CNOT11: variants seen among roughly 807,000 people sequenced by gnomAD.
The protein encoded by CNOT11 is CCR4-NOT transcription complex subunit 11, also known as UPF0760 protein C2orf29.
Under a neutral mutation model 44.6 loss-of-function variants are expected in CNOT11, and 18 were observed. The ratio of observed to expected loss-of-function variants is 0.40; its 90% CI spans 0.28 to 0.60. The LOEUF is 0.60. CNOT11 is among the 20% of genes least tolerant of loss of function. The pLI, the probability that CNOT11 is intolerant of heterozygous loss-of-function variation, is 0.38. For missense variants in CNOT11, 513 were observed against 677.0 expected (o/e 0.76, Z 2.69); for synonymous variants, 291 against 270.9 (o/e 1.07, Z -0.73).
rs1430044119 is a variant in CNOT11 at position 101,253,387 on chromosome 2, C to T, written c.423C>T (p.Ala141=). 4.4e-6 allele frequency: 7 copies of T among 1,591,612 alleles called. No individual in the cohort carries two copies. The East Asian group carries it at 6.8e-5, about 15-fold the overall frequency. The change falls in exon 1 of 7, where the codon GCC becomes GCT. Residue 141 remains alanine, a synonymous_variant. Transcript: ENST00000289382. This position sits in a 1 kb window ranked among gnomAD's most constrained non-coding sequence, Gnocchi z 4.3. Reference sequence around the variant, plus strand: ...AGATGTACCGCACCGAGCCGCTGGCCGCCAACCCCTTCGCCGCCAGCTTCG... The same window carrying T: ...AGATGTACCGCACCGAGCCGCTGGCTGCCAACCCCTTCGCCGCCAGCTTCG... ...LWEMYRTEPL[A]ANPFAASFAH...
rs987812964 is a variant in CNOT11, at chr2:101,253,547, G to A, written c.514+69G>A. 2.3e-6 allele frequency: 3 copies of A among 1,287,506 alleles called. No homozygotes were observed. Among genetic ancestry groups the A allele is most frequent in the Non-Finnish European group, 3.0e-6 (3 of 985,340 alleles). 79.8% of individuals were successfully genotyped at this position (1,287,506 alleles called of 1,614,324 possible). Reference sequence around the variant, plus strand: ...CCGCAGCTTTCCACCTGCGCTGCTGGGAACTCACCTGAAAGGGAAATTAAC... The same window carrying A: ...CCGCAGCTTTCCACCTGCGCTGCTGAGAACTCACCTGAAAGGGAAATTAAC... On this transcript the variant is annotated intron_variant, in intron 1 of 6. Transcript: ENST00000289382. This position sits in a 1 kb window ranked among gnomAD's most constrained non-coding sequence, Gnocchi z 4.3.
At position 101,262,697 on chromosome 2, in the gene CNOT11, T is replaced by A. The variant is rs761298133; in HGVS notation, c.832+6T>A. 1.9e-6 allele frequency: 3 copies of A among 1,611,434 alleles called. No individual in the cohort carries two copies. The highest frequency in any genetic ancestry group is 1.7e-5 in the Admixed American group (1 of 59,714). Reference sequence around the variant, plus strand: ...ACCAAAGCCACCTATTGAAAGTAGGTACATATAAATTAATTTATACTCTTT... The same window carrying A: ...ACCAAAGCCACCTATTGAAAGTAGGAACATATAAATTAATTTATACTCTTT... On this transcript the variant is annotated splice_donor_region_variant and intron_variant, in intron 3 of 6. Transcript: ENST00000289382.
rs958582221 is a variant in CNOT11, at chr2:101,266,833, C to T, written c.1192C>T (p.Leu398=). The T allele has an allele frequency of 1.9e-6, 3 of 1,613,922 alleles. No individual in the cohort carries two copies. The highest frequency in any genetic ancestry group is 2.5e-6 in the Non-Finnish European group (3 of 1,179,860). ...CCAGATCACTGAGTATTTCTCTGTC[C>T]TGGTCAATATGGACATGTCTTTACA... The part of the protein sequence containing the change: ...SSQITEYFSV[L]VNMDMSLHSM... The change falls in exon 5 of 7, where the codon CTG becomes TTG. Residue 398 remains leucine (L), a synonymous_variant. Transcript: ENST00000289382.
chr2:101,268,359 A>C (rs976269685), intron 5 of CNOT11, among the ~76,000 whole-genome samples: 1 of 152,240 alleles, frequency 6.6e-6, no homozygotes, highest in African/African-American at 2.4e-5. Flanking sequence ...TTTGGCCCTG[A>C]GTCCAAGATG....
intron 2 of CNOT11, 32 bp from the exon 3 acceptor site, chr2:101,262,507 G>A: frequency 1.2e-6 from 2 of 1,607,754 alleles, no homozygotes; most frequent in Non-Finnish European, 1.7e-6. Flanking sequence ...TCCTCATGAT[G>A]TCCATAATTT....
Position 101,264,864 on chromosome 2 carries a change from T to G in CNOT11, c.852T>G (p.Phe284Leu), listed in dbSNP as rs747404502. Residue 284 changes from phenylalanine to leucine, a missense_variant, in exon 4 of 7, where the codon TTT becomes TTG. By Grantham distance (22) the Phe-to-Leu change is conservative. This residue lies in a region of CNOT11 where 140 missense variants were observed against 169.8 expected (regional missense o/e 0.82). Transcript: ENST00000289382. Reference protein sequence around the residue: ...PPIESHFRPEFIRPPPPLHIC... With the variant: ...PPIESHFRPELIRPPPPLHIC... The stretch of plus-strand genomic sequence containing the variant: ...TTACAGGCCATTTTCGACCAGAGTT[T>G]ATTCGTCCACCGCCTCCACTCCACA... 8 of 1,614,028 alleles carry G rather than the reference T, an allele frequency of 5.0e-6. No individual in the cohort carries two copies. Among genetic ancestry groups the G allele is most frequent in the Non-Finnish European group, 1.7e-6 (2 of 1,180,026 alleles).
At chr2:101,266,654 C>G in intron 4 of CNOT11, 23 bp from the exon 5 acceptor site, 1 of 1,585,748 alleles carries the variant, frequency 6.3e-7, no homozygotes, top group Non-Finnish European at 8.7e-7. Flanking sequence ...CTCTCTCTCT[C>G]TTTAAAAATC....
At chr2:101,261,954 C>T (rs1681874050) in intron 2 of CNOT11, among the ~76,000 whole-genome samples, 1 of 146,978 alleles carries the variant, frequency 6.8e-6, no homozygotes, top group African/African-American at 2.5e-5. Flanking sequence ...TCATGCCATT[C>T]TCCTGCCTCA....
rs774406322 is a variant in CNOT11 at position 101,253,023 on chromosome 2, G to A, written c.59G>A (p.Arg20Lys). The A allele has an allele frequency of 8.6e-6, 13 of 1,512,194 alleles. No homozygotes were observed. The highest frequency in any genetic ancestry group is 2.3e-4 in the Middle Eastern group (1 of 4,372). The allele number at this position is 1,512,194 out of a possible 1,614,324, so 93.7% of individuals were successfully genotyped here. ...CGGCTTCTCACCGCCGCGGAGCAAA[G>A]AGGGTCCCGGGAAGCGGCAGGGTCG... ...SGRLLTAAEQRGSREAAGSAS... is the reference protein window; with the variant it reads ...SGRLLTAAEQKGSREAAGSAS... Residue 20 changes from arginine to lysine, a missense_variant, in exon 1 of 7, where the codon AGA becomes AAA. This residue lies in a region of CNOT11 where 259 missense variants were observed against 265.7 expected (regional missense o/e 0.97). Transcript: ENST00000289382. This position sits in a 1 kb window ranked among gnomAD's most constrained non-coding sequence, Gnocchi z 4.3.
intron 5 of CNOT11, among the ~76,000 whole-genome samples, chr2:101,267,753 T>C (rs1682020460): frequency 6.6e-6 from 1 of 152,178 alleles, no homozygotes; most frequent in Admixed American, 6.5e-5. Context: ...GGGCTTAAGT[T>C]GTTTATGTGC....
chr2:101,264,888 C>T lies in CNOT11; in HGVS notation c.876C>T (p.His292=). Residue 292 remains histidine (H), a synonymous_variant, in exon 4 of 7, where the codon CAC becomes CAT. Transcript: ENST00000289382. ...PEFIRPPPPL[H]ICEDELAWLN... ...TTATTCGTCCACCGCCTCCACTCCA[C>T]ATTTGTGAGGATGAACTTGCTTGGC... is the stretch of plus-strand genomic sequence containing the variant. 1.2e-6 allele frequency: 2 copies of T among 1,614,166 alleles called. No homozygotes were observed. The highest frequency in any genetic ancestry group is 1.7e-6 in the Non-Finnish European group (2 of 1,180,022).
chr2:101,263,792 G>A (rs373163111), intron 3 of CNOT11, among the ~76,000 whole-genome samples: 3 of 152,076 alleles, frequency 2.0e-5, no homozygotes, highest in African/African-American at 7.2e-5. Flanking sequence ...ATATTTGCTC[G>A]GGCAGAACTC....
chr2:101,266,595 A>G, intron 4 of CNOT11, 82 bp from the exon 5 acceptor site: 1 of 1,042,934 alleles, frequency 9.6e-7, no homozygotes, highest in Non-Finnish European at 1.5e-6. Flanking sequence ...TAAAATGCTT[A>G]TTTCATATAC....
At chr2:101,265,433 A>AT (rs986932165) in intron 4 of CNOT11, among the ~76,000 whole-genome samples, 11 of 149,748 alleles carry the variant, frequency 7.3e-5, no homozygotes, top group South Asian at 4.2e-4. Flanking sequence ...ACAAGAGTTT[A>AT]TTTTTTTTTT....
chr2:101,263,058 C>T (rs531136277), intron 3 of CNOT11, among the ~76,000 whole-genome samples: 2 of 152,140 alleles, frequency 1.3e-5, no homozygotes, highest in Admixed American at 6.5e-5. Flanking sequence ...CCCATCTCTA[C>T]TAAAAATAAA....
At chr2:101,268,470 T>C (rs1682040960) in intron 5 of CNOT11, among the ~76,000 whole-genome samples, 1 of 152,236 alleles carries the variant, frequency 6.6e-6, no homozygotes, top group Non-Finnish European at 1.5e-5. Context: ...CCTATCATAG[T>C]GCATCATCCT....
intron 1 of CNOT11, 60 bp from the exon 2 acceptor site, chr2:101,257,731 G>C: frequency 1.4e-6 from 2 of 1,425,392 alleles, no homozygotes; most frequent in Admixed American, 3.8e-5. Flanking sequence ...GATTTTACCA[G>C]ATTCAAGTTG....
chr2:101,264,976 A>T lies in CNOT11; in HGVS notation c.964A>T (p.Thr322Ser). The T allele has an allele frequency of 6.2e-7, 1 of 1,614,180 alleles. No individual in the cohort carries two copies. Among genetic ancestry groups the T allele is most frequent in the Non-Finnish European group, 8.5e-7 (1 of 1,180,018 alleles). ...TAAATCGATGTGTGTTAAGAATAGC[A>T]CTGGTGTGGAGATCAAACGAATAAT... is the stretch of plus-strand genomic sequence containing the variant. ...WDKSMCVKNS[T>S]GVEIKRIMAK... Residue 322 changes from threonine (T) to serine (S), a missense_variant, in exon 4 of 7, where the codon ACT (threonine) becomes TCT (serine). Thr to Ser is a moderately conservative substitution (Grantham distance 58, BLOSUM62 1). Coordinates refer to ENST00000289382, the MANE Select transcript of CNOT11 (RefSeq NM_017546.5).
chr2:101,269,426 A>AC lies in CNOT11; in HGVS notation c.*15dup, dbSNP rs765655965. 1.2e-6 allele frequency: 2 copies of AC among 1,609,880 alleles called. No individual in the cohort carries two copies. The highest frequency in any genetic ancestry group is 2.2e-5 in the South Asian group (2 of 90,974). ...AATGTCAAAATAATACCTCATCAGA[A>AC]CCATCCCATCCATTCACTGTTCAGC... On this transcript the variant is annotated 3_prime_UTR_variant, in exon 7 of 7. Coordinates refer to ENST00000289382, the MANE Select transcript of CNOT11 (RefSeq NM_017546.5). This position sits in a 1 kb window ranked among gnomAD's most constrained non-coding sequence, Gnocchi z 4.8.
Sources: allele counts gnomAD v4.1 joint callset (sites outside exome capture counted in the v4.1 genomes callset), GRCh38; gene constraint gnomAD v4.1.1; regional missense constraint gnomAD v4.1.1; non-coding constraint Gnocchi (gnomAD v3.1); transcripts MANE v1.5; gene names NCBI Gene and HGNC (gene_info 2026-07-23, HGNC 2026-07-21).